Variants in SEMA3A observed in about 807,000 individuals in gnomAD.
SEMA3A encodes the protein semaphorin-3A.
Under a neutral mutation model 97.9 loss-of-function variants are expected in SEMA3A, and 29 were observed. The ratio of observed to expected loss-of-function variants is 0.30; its 90% CI spans 0.22 to 0.40. The LOEUF is 0.40. Ranked by LOEUF, SEMA3A falls within the 10% of genes least tolerant of loss-of-function variation. SEMA3A has a pLI of 1.00. For missense variants in SEMA3A, 763 were observed against 951.3 expected (o/e 0.80, Z 2.60); for synonymous variants, 321 against 323.7 (o/e 0.99, Z 0.09).
chr7:84,242,494 A>C (rs1321497043), intron 3 of SEMA3A, among the ~76,000 whole-genome samples: 6 of 152,138 alleles, frequency 3.9e-5, no homozygotes, highest in Non-Finnish European at 7.3e-5. Flanking sequence ...ACTTTGCTGA[A>C]GTTGCTTATC....
At chr7:84,017,293 CTCAA>C (rs1032283057) in intron 6 of SEMA3A, among the ~76,000 whole-genome samples, 13 of 152,082 alleles carry the variant, frequency 8.5e-5, no homozygotes, top group African/African-American at 2.9e-4. Context: ...TGGGAAATAA[CTCAA>C]TCAAATTATC....
At chr7:83,981,293 T>C in intron 14 of SEMA3A, 28 bp downstream of exon 14, 1 of 1,608,944 alleles carries the variant, frequency 6.2e-7, no homozygotes, top group Non-Finnish European at 8.5e-7. Flanking sequence ...CTAGCAAACA[T>C]TTCATTTATT....
At chr7:84,198,249 G>A (rs1169401990), upstream of SEMA3A, among the ~76,000 whole-genome samples, 1 of 151,842 alleles carries the variant, frequency 6.6e-6, no homozygotes, top group African/African-American at 2.4e-5. Context: ...AGGCTGGAGT[G>A]CAGTGGCACG....
At chr7:84,470,562 T>C (rs1806120168) in intron 1 of SEMA3A, among the ~76,000 whole-genome samples, 1 of 152,114 alleles carries the variant, frequency 6.6e-6, no homozygotes, top group African/African-American at 2.4e-5. Context: ...GTGGTTTAAC[T>C]TGAAGCGTAA....
intron 2 of SEMA3A, among the ~76,000 whole-genome samples, chr7:84,367,725 T>A (rs1802882758): frequency 6.6e-6 from 1 of 150,830 alleles, no homozygotes; most frequent in Non-Finnish European, 1.5e-5. Flanking sequence ...TTTGGAATAA[T>A]GAGTAGACCT....
rs1338887125 is a variant in SEMA3A at position 84,177,645 on chromosome 7, C to T, written c.112+16830G>A. On this transcript the variant is annotated intron_variant, in intron 1 of 16. Transcript: ENST00000265362. ...TTATCCAACAATTAAATATCCTCTA[C>T]AAAAGTATAAATAATTTTGTAAGTT... is the stretch of plus-strand genomic sequence containing the variant. 2.0e-5 allele frequency among the ~76,000 whole-genome samples: 3 copies of T among 152,062 alleles called. No individual in the cohort carries two copies. In the East Asian group the frequency reaches 5.8e-4, roughly 29 times the overall value.
At chr7:84,309,869 A>G (rs946427256) in intron 2 of SEMA3A, among the ~76,000 whole-genome samples, 3 of 152,232 alleles carry the variant, frequency 2.0e-5, no homozygotes, top group African/African-American at 7.2e-5. Context: ...CAATAAAGTC[A>G]GCAAGCAATG....
Position 84,194,539 on chromosome 7 carries a change from A to C in SEMA3A, c.48T>G (p.Leu16=). The C allele has an allele frequency of 6.2e-7, 1 of 1,613,490 alleles. No individual in the cohort carries two copies. Reference sequence around the variant, plus strand: ...CATTCTGATAGTTTGCTCTTGCTGTAAGTAATACTCCCCAGAAAAGACAGA... The same window carrying C: ...CATTCTGATAGTTTGCTCTTGCTGTCAGTAATACTCCCCAGAAAAGACAGA... ...RIVCLFWGVL[L]TARANYQNGK... is the part of the protein sequence containing the mutation. The change falls in exon 1 of 17, where the codon CTT becomes CTG. Residue 16 remains leucine (L), a synonymous_variant. Coordinates refer to ENST00000265362, the MANE Select transcript of SEMA3A (RefSeq NM_006080.3).
chr7:84,305,236 A>G (rs1360461220), intron 3 of SEMA3A, among the ~76,000 whole-genome samples: 1 of 150,384 alleles, frequency 6.6e-6, no homozygotes, highest in Non-Finnish European at 1.5e-5. Context: ...GGTTACTTCC[A>G]GTAAAAAAAA....
At chr7:84,166,354 A>G (rs1180302889) in intron 1 of SEMA3A, among the ~76,000 whole-genome samples, 2 of 151,144 alleles carry the variant, frequency 1.3e-5, no homozygotes, top group Non-Finnish European at 3.0e-5. Context: ...CAGGCAGATC[A>G]GGAGGTCAAG....
At chr7:84,265,100 G>A (rs959491804) in intron 3 of SEMA3A, among the ~76,000 whole-genome samples, 5 of 152,246 alleles carry the variant, frequency 3.3e-5, no homozygotes, top group East Asian at 1.9e-4. Context: ...TTTTCAAAAC[G>A]TTATGTGGAA....
chr7:84,335,871 T>A (rs181970804), intron 2 of SEMA3A, among the ~76,000 whole-genome samples: 1 of 152,138 alleles, frequency 6.6e-6, no homozygotes, highest in African/African-American at 2.4e-5. Context: ...TTTTACTTAA[T>A]ATATTAAATT....
chr7:84,079,323 A>T (rs1047951743), intron 4 of SEMA3A, among the ~76,000 whole-genome samples: 1 of 151,670 alleles, frequency 6.6e-6, no homozygotes, highest in Non-Finnish European at 1.5e-5. Context: ...CACCAAAAGC[A>T]ATGGCAACAA....
At chr7:84,062,709 G>A (rs138692714) in intron 4 of SEMA3A, among the ~76,000 whole-genome samples, 67 of 152,282 alleles carry the variant, frequency 4.4e-4, no homozygotes, top group Non-Finnish European at 7.2e-4. Context: ...GCGCTTTTCC[G>A]GCGGGCTTAA....
Position 83,961,044 on chromosome 7 carries a change from T to TG in SEMA3A, c.*326dup, listed in dbSNP as rs758682883. On this transcript the variant is annotated 3_prime_UTR_variant, in exon 17 of 17. Coordinates refer to ENST00000265362, the MANE Select transcript of SEMA3A (RefSeq NM_006080.3). ...GCTGATGCAGTTTTTCTCCTTTAGA[T>TG]GGCAATATGGCAAATGACATTTTTA... is the stretch of plus-strand genomic sequence containing the variant. The TG allele has an allele frequency of 1.0e-5, 3 of 292,578 alleles. No homozygotes were observed. The highest frequency in any genetic ancestry group is 1.9e-5 in the Non-Finnish European group (3 of 155,170). The allele number at this position is 292,578 out of a possible 1,614,324, so 18.1% of individuals were successfully genotyped here.
At chr7:84,325,896 C>T (rs1436374888) in intron 2 of SEMA3A, among the ~76,000 whole-genome samples, 1 of 151,974 alleles carries the variant, frequency 6.6e-6, no homozygotes, top group African/African-American at 2.4e-5. Context: ...ATCCTCTGGC[C>T]AACATCTCCC....
At chr7:84,384,906 C>T (rs1239214880) in intron 1 of SEMA3A, among the ~76,000 whole-genome samples, 2 of 152,138 alleles carry the variant, frequency 1.3e-5, no homozygotes. Context: ...CTCTTAACTA[C>T]TATCTACATG....
At chr7:84,431,362 A>G (rs1255625581) in intron 1 of SEMA3A, among the ~76,000 whole-genome samples, 1 of 152,036 alleles carries the variant, frequency 6.6e-6, no homozygotes, top group Non-Finnish European at 1.5e-5. Context: ...ATAAGGCTTT[A>G]TGAGTGCTAT....
intron 1 of SEMA3A, among the ~76,000 whole-genome samples, chr7:84,143,950 AACACACAC>A (rs796470836): frequency 0.021 from 1,948 of 94,626 alleles, 46 homozygotes; most frequent in African/African-American, 0.056. Flanking sequence ...CTCTCTCTCT[AACACACAC>A]ACACACACAC....
Sources: gnomAD v4.1 joint callset for allele counts (sites outside exome capture counted in the v4.1 genomes callset) on GRCh38, gnomAD v4.1.1 for gene constraint, MANE v1.5 for transcripts, NCBI Gene and HGNC (gene_info 2026-07-23, HGNC 2026-07-21) for gene names.